The following ARSB variants were observed in gnomAD, a reference collection of about 807,000 sequenced individuals.
ARSB encodes arylsulfatase B, also known as N-acetylgalactosamine-4-sulfatase.
Under a neutral mutation model 50.9 loss-of-function variants are expected in ARSB, and 41 were observed. The observed-to-expected ratio is 0.81, with a 90% CI of 0.63 to 1.04. The LOEUF is 1.04. Among genes scored for constraint, ARSB ranks in the 50% least tolerant of loss-of-function variants. ARSB has a pLI of 0.00. For missense variants in ARSB, 672 were observed against 693.3 expected (o/e 0.97, Z 0.35); for synonymous variants, 269 against 284.8 (o/e 0.94, Z 0.56).
At chr5:78,893,469 C>T (rs376475885) in intron 4 of ARSB, among the ~76,000 whole-genome samples, 2 of 152,148 alleles carry the variant, frequency 1.3e-5, no homozygotes, top group Non-Finnish European at 2.9e-5. Context: ...GAGGCTAATG[C>T]CATTGCTTAT....
chr5:78,787,348 T>A (rs957541635), intron 6 of ARSB, among the ~76,000 whole-genome samples: 5 of 151,834 alleles, frequency 3.3e-5, no homozygotes, highest in African/African-American at 1.2e-4. Flanking sequence ...TTTTATTTTT[T>A]CCCAAGATTG....
chr5:78,905,342 C>CTTTT (rs1207775365), intron 4 of ARSB, among the ~76,000 whole-genome samples: 1 of 48,070 alleles, frequency 2.1e-5, no homozygotes, highest in Non-Finnish European at 4.4e-5. Flanking sequence ...TCGTATTTTC[C>CTTTT]TGTTTTTTTT....
At chr5:78,869,513 T>C (rs1397602622) in intron 5 of ARSB, among the ~76,000 whole-genome samples, 1 of 141,916 alleles carries the variant, frequency 7.0e-6, no homozygotes, top group Non-Finnish European at 1.5e-5. Flanking sequence ...AGAATCTCAC[T>C]CAAAGCCGCT....
intron 2 of ARSB, among the ~76,000 whole-genome samples, chr5:78,966,377 C>T (rs1262899980): frequency 1.3e-5 from 2 of 149,856 alleles, no homozygotes; most frequent in African/African-American, 4.8e-5. Flanking sequence ...ATAGAAAATG[C>T]TTCTTGAACA....
chr5:78,864,922 C>A (rs62377557), intron 5 of ARSB, among the ~76,000 whole-genome samples: 19,297 of 152,260 alleles, frequency 0.13, 1,418 homozygotes, highest in Middle Eastern at 0.21. Context: ...CACGCTGATG[C>A]AAGAGGTGGG....
At chr5:78,885,135 G>A (rs572649864) in intron 5 of ARSB, 1 of 165,944 alleles carries the variant, frequency 6.0e-6, no homozygotes, top group East Asian at 1.7e-4. Flanking sequence ...GCATCTAGAA[G>A]AAGGTATGGC....
At chr5:78,862,466 T>C (rs565658113) in intron 5 of ARSB, among the ~76,000 whole-genome samples, 1 of 152,108 alleles carries the variant, frequency 6.6e-6, no homozygotes, top group African/African-American at 2.4e-5. Flanking sequence ...AACCTTCTGA[T>C]CTTTGACAAA....
intron 4 of ARSB, among the ~76,000 whole-genome samples, chr5:78,913,121 C>CTTTTTTT: frequency 7.1e-6 from 1 of 140,084 alleles, no homozygotes; most frequent in Non-Finnish European, 1.5e-5. Flanking sequence ...TTTTAATTCG[C>CTTTTTTT]TTTTTTTTTT....
intron 6 of ARSB, among the ~76,000 whole-genome samples, chr5:78,785,233 A>AT (rs34264126): frequency 2.0e-5 from 3 of 150,464 alleles, no homozygotes; most frequent in South Asian, 2.1e-4. Flanking sequence ...TTAATTTGTT[A>AT]TTTTTTTTAT....
At chr5:78,949,659 G>A (rs766663873) in intron 4 of ARSB, among the ~76,000 whole-genome samples, 18 of 152,120 alleles carry the variant, frequency 1.2e-4, no homozygotes, top group African/African-American at 1.7e-4. Flanking sequence ...ACTGTAATCC[G>A]AGCACTCTGA....
chr5:78,984,463 T>A (rs571032372), intron 1 of ARSB, among the ~76,000 whole-genome samples: 2 of 151,868 alleles, frequency 1.3e-5, no homozygotes, highest in Non-Finnish European at 2.9e-5. Flanking sequence ...TGGAAAAAAA[T>A]AATCTTTGGT....
chr5:78,938,701 T>A (rs972034250), intron 4 of ARSB, among the ~76,000 whole-genome samples: 1 of 152,216 alleles, frequency 6.6e-6, no homozygotes, highest in Admixed American at 6.5e-5. Context: ...AACTACCAGT[T>A]TTGAAGGAAA....
intron 4 of ARSB, among the ~76,000 whole-genome samples, chr5:78,919,336 C>T (rs957452547): frequency 2.0e-5 from 3 of 152,112 alleles, no homozygotes; most frequent in African/African-American, 7.2e-5. Flanking sequence ...CTGCCAGTGC[C>T]AGTAGCTAGC....
intron 6 of ARSB, among the ~76,000 whole-genome samples, chr5:78,803,782 C>T (rs189737523): frequency 1.3e-4 from 20 of 152,232 alleles, no homozygotes; most frequent in East Asian, 3.8e-4. Context: ...GTAATGTATT[C>T]GTTTCTTCAA....
intron 5 of ARSB, among the ~76,000 whole-genome samples, chr5:78,865,823 C>T (rs1697896730): frequency 6.6e-6 from 1 of 152,208 alleles, no homozygotes; most frequent in Admixed American, 6.5e-5. Context: ...GGCAAAATGT[C>T]ACCAATCTCT....
chr5:78,798,730 C>G (rs1743269802), intron 6 of ARSB, among the ~76,000 whole-genome samples: 1 of 152,216 alleles, frequency 6.6e-6, no homozygotes, highest in Non-Finnish European at 1.5e-5. Flanking sequence ...TAATGGCTGT[C>G]AGGTGGGCCT....
At chr5:78,831,082 A>T (rs1364528366) in intron 6 of ARSB, among the ~76,000 whole-genome samples, 2 of 152,178 alleles carry the variant, frequency 1.3e-5, no homozygotes, top group Non-Finnish European at 2.9e-5. Context: ...GAAAAGTGCA[A>T]CTTTCCCACC....
At chr5:78,844,259 T>G (rs1745349682) in intron 5 of ARSB, among the ~76,000 whole-genome samples, 1 of 152,224 alleles carries the variant, frequency 6.6e-6, no homozygotes, top group African/African-American at 2.4e-5. Context: ...AAGTGATATC[T>G]CATTGCGATT....
rs181321349 is a variant in ARSB at position 78,780,231 on chromosome 5, C to T, written c.*166G>A. ...ACAGCAGGAGTGTTGCAGATTTTAT[C>T]AGCTTCTTAAATGCATTAGGGGTTG... On this transcript the variant is annotated 3_prime_UTR_variant, in exon 8 of 8. Transcript: ENST00000264914. 65 of 878,344 alleles carry T rather than the reference C, an allele frequency of 7.4e-5. No homozygotes were observed. The African/African-American group carries it at 1.0e-3, about 14-fold the overall frequency. 54.4% of individuals were successfully genotyped at this position (878,344 alleles called of 1,614,324 possible). A position where few individuals can be genotyped will look rare whatever the true frequency, so the allele number is the denominator to read the frequency against.
Sources: allele counts gnomAD v4.1 joint callset (sites outside exome capture counted in the v4.1 genomes callset), GRCh38; gene constraint gnomAD v4.1.1; transcripts MANE v1.5; gene names NCBI Gene and HGNC (gene_info 2026-07-23, HGNC 2026-07-21).